The following BRMS1L variants were observed in gnomAD, a reference collection of about 807,000 sequenced individuals.
The protein encoded by BRMS1L is breast cancer metastasis-suppressor 1-like protein.
Under a neutral mutation model 50.3 loss-of-function variants are expected in BRMS1L, and 23 were observed. That is an observed-to-expected ratio of 0.46 (90% confidence interval 0.33 to 0.65). The LOEUF is 0.65. BRMS1L is among the 30% of genes least tolerant of loss of function. BRMS1L has a pLI of 0.02. For synonymous variants in BRMS1L, 114 were observed against 126.9 expected, an observed-to-expected ratio of 0.90 and a Z score of 0.69; for missense variants, 286 against 386.1, an observed-to-expected ratio of 0.74 and a Z score of 2.17.
intron 4 of BRMS1L, among the ~76,000 whole-genome samples, chr14:35,850,452 T>A (rs906166628): frequency 6.6e-6 from 1 of 152,044 alleles, no homozygotes; most frequent in Non-Finnish European, 1.5e-5. Context: ...TGCCTCAGCC[T>A]CCCAAACTGC....
At chr14:35,860,668 T>C (rs2078338740) in intron 4 of BRMS1L, among the ~76,000 whole-genome samples, 1 of 151,760 alleles carries the variant, frequency 6.6e-6, no homozygotes, top group Admixed American at 6.6e-5. Context: ...CCAGTCCTGA[T>C]AGAAGTTGAG....
chr14:35,836,443 C>A (rs2077995050), intron 4 of BRMS1L, among the ~76,000 whole-genome samples: 2 of 152,240 alleles, frequency 1.3e-5, no homozygotes, highest in South Asian at 4.2e-4. Flanking sequence ...TGGCCTCAAG[C>A]CATCCTCCTG....
In BRMS1L at chr14:35,826,832, G is replaced by T. The variant is rs1035816643; in HGVS notation, c.142+174G>T. On this transcript the variant is annotated intron_variant, in intron 1 of 9. Transcript: ENST00000216807. ...CTGACCGGTCGCTGGGCGCTGTCTG[G>T]CTCCTGATGGGTCCCGGCGGCGGGG... 5.5e-6 allele frequency: 5 copies of T among 917,288 alleles called. No homozygotes were observed. The East Asian group carries it at 1.4e-4, about 27-fold the overall frequency. 56.8% of individuals were successfully genotyped at this position (917,288 alleles called of 1,614,324 possible). A position where few individuals can be genotyped will look rare whatever the true frequency, so the allele number is the denominator to read the frequency against.
intron 8 of BRMS1L, chr14:35,866,038 CTG>C (rs943630838): frequency 3.2e-5 from 11 of 346,050 alleles, no homozygotes; most frequent in Non-Finnish European, 5.1e-5. Context: ...TTTATGGGCT[CTG>C]TCATTCTATA....
intron 5 of BRMS1L, among the ~76,000 whole-genome samples, 156 bp from the exon 6 acceptor site, chr14:35,863,714 A>C (rs1017022383): frequency 2.0e-5 from 3 of 152,240 alleles, no homozygotes; most frequent in African/African-American, 7.2e-5. Context: ...CGTAGTGCTC[A>C]TGAAATTATG....
rs552894982 is a variant in BRMS1L, at chr14:35,854,978, C to G, written c.442-7612C>G. The stretch of plus-strand genomic sequence containing the variant: ...TACTTTCAGGAAAAACTTTTCCCCC[C>G]CTCTTACTGCCTAGGCAGAGACAGA... On this transcript the variant is annotated intron_variant, in intron 4 of 9. Coordinates refer to ENST00000216807, the MANE Select transcript of BRMS1L (RefSeq NM_032352.4). 8.5e-5 allele frequency among the ~76,000 whole-genome samples: 13 copies of G among 152,342 alleles called. No individual in the cohort carries two copies. In the East Asian group the frequency reaches 1.7e-3, roughly 20 times the overall value.
intron 1 of BRMS1L, among the ~76,000 whole-genome samples, chr14:35,830,415 T>C (rs1182607659): frequency 6.6e-6 from 1 of 152,076 alleles, no homozygotes; most frequent in African/African-American, 2.4e-5. Flanking sequence ...TTGCCCAGGC[T>C]GGCGCAATCT....
intron 4 of BRMS1L, among the ~76,000 whole-genome samples, chr14:35,841,320 TA>T (rs1318247446): frequency 1.3e-5 from 2 of 152,052 alleles, no homozygotes; most frequent in African/African-American, 2.4e-5. Context: ...TATTTTATTT[TA>T]TTTTTTTTTG....
At chr14:35,861,823 A>C (rs1339650610) in intron 4 of BRMS1L, among the ~76,000 whole-genome samples, 2 of 152,240 alleles carry the variant, frequency 1.3e-5, no homozygotes, top group Non-Finnish European at 2.9e-5. Context: ...CATATCTGCT[A>C]TATCCAATTA....
intron 4 of BRMS1L, among the ~76,000 whole-genome samples, chr14:35,860,872 G>A (rs886775981): frequency 1.3e-5 from 2 of 152,228 alleles, no homozygotes; most frequent in African/African-American, 4.8e-5. Context: ...AAGTCTAGAT[G>A]TGAAGACTAG....
chr14:35,864,021 A>G (rs2142062991), intron 6 of BRMS1L, 68 bp downstream of exon 6: 1 of 1,192,626 alleles, frequency 8.4e-7, no homozygotes, highest in East Asian at 2.4e-5. Flanking sequence ...ATGCCTTTAT[A>G]ACTTTTATTT....
chr14:35,841,029 C>T (rs183506406), intron 4 of BRMS1L, among the ~76,000 whole-genome samples: 109 of 152,192 alleles, frequency 7.2e-4, no homozygotes, highest in Admixed American at 1.3e-3. Flanking sequence ...TAGCTGTGTC[C>T]CAGAGATTCT....
intron 4 of BRMS1L, among the ~76,000 whole-genome samples, chr14:35,857,969 T>G (rs2078302689): frequency 6.6e-6 from 1 of 150,784 alleles, no homozygotes; most frequent in South Asian, 2.1e-4. Flanking sequence ...AGCCTGAGTA[T>G]TCCACAAAAT....
chr14:35,857,936 A>G (rs1272631887), intron 4 of BRMS1L, among the ~76,000 whole-genome samples: 2 of 148,784 alleles, frequency 1.3e-5, no homozygotes, highest in East Asian at 2.0e-4. Flanking sequence ...CTAAACATGT[A>G]CAGTTGTATT....
Position 35,862,682 on chromosome 14 carries a change from C to T in BRMS1L, c.534C>T (p.Thr178=), listed in dbSNP as rs1324513325. 7 of 1,604,186 alleles carry T rather than the reference C, an allele frequency of 4.4e-6. No homozygotes were observed. Among genetic ancestry groups the T allele is most frequent in the East Asian group, 2.2e-5 (1 of 44,588 alleles). ...AGGATAGGCACAGCATTGATATTAC[C>T]TCAGGTAAGGAGAATGATATGATTG... ...LEEDRHSIDI[T]SELWNDELQS... Residue 178 remains threonine (T), a synonymous_variant, in exon 5 of 10, where the codon ACC becomes ACT. Transcript: ENST00000216807.
intron 4 of BRMS1L, among the ~76,000 whole-genome samples, chr14:35,851,432 G>T (rs930780535): frequency 1.3e-5 from 2 of 150,848 alleles, no homozygotes; most frequent in Non-Finnish European, 3.0e-5. Flanking sequence ...TAAAAAAGAG[G>T]GATGGAAATA....
chr14:35,857,977 A>G (rs1436141463), intron 4 of BRMS1L, among the ~76,000 whole-genome samples: 1 of 151,326 alleles, frequency 6.6e-6, no homozygotes, highest in Non-Finnish European at 1.5e-5. Flanking sequence ...TATTCCACAA[A>G]ATAAAGAGCA....
intron 4 of BRMS1L, among the ~76,000 whole-genome samples, chr14:35,858,949 T>G (rs2078316140): frequency 1.3e-5 from 2 of 151,926 alleles, no homozygotes; most frequent in Non-Finnish European, 2.9e-5. Flanking sequence ...ACCCATTTTT[T>G]TTTTTTTTTT....
chr14:35,846,057 G>T (rs942205663), intron 4 of BRMS1L, among the ~76,000 whole-genome samples: 2 of 152,122 alleles, frequency 1.3e-5, no homozygotes, highest in Non-Finnish European at 2.9e-5. Flanking sequence ...AACAAATGAG[G>T]AACATTCTTT....
Sources: allele counts gnomAD v4.1 joint callset (sites outside exome capture counted in the v4.1 genomes callset), GRCh38; gene constraint gnomAD v4.1.1; transcripts MANE v1.5; gene names NCBI Gene and HGNC (gene_info 2026-07-23, HGNC 2026-07-21).